CTIF: variants seen among roughly 807,000 people sequenced by gnomAD.
CTIF encodes cap binding complex dependent translation initiation factor, also known as CBP80/20-dependent translation initiation factor.
CTIF carries 21 observed loss-of-function variants against 66.0 expected under a neutral mutation model. The observed-to-expected ratio is 0.32, with a 90% confidence interval of 0.23 to 0.46. The LOEUF is 0.46. Ranked by LOEUF, CTIF falls within the 20% of genes least tolerant of loss-of-function variation. CTIF has a pLI of 1.00. For missense variants in CTIF, 739 were observed against 812.7 expected, an observed-to-expected ratio of 0.91 and a Z score of 1.10; for synonymous variants, 345 against 326.4, an observed-to-expected ratio of 1.06 and a Z score of -0.62.
intron 7 of CTIF, among the ~76,000 whole-genome samples, chr18:48,740,815 A>G (rs1420205326): frequency 6.6e-6 from 1 of 152,196 alleles, no homozygotes; most frequent in East Asian, 1.9e-4. Flanking sequence ...CCATTAAAAA[A>G]ATTCCTCATG....
rs762674451 is a variant in CTIF at position 48,554,586 on chromosome 18, C to A, written c.-29+15274C>A. On this transcript the variant is annotated intron_variant, in intron 1 of 11. Coordinates refer to ENST00000256413, the MANE Select transcript of CTIF (RefSeq NM_014772.3). Reference sequence around the variant, plus strand: ...CACGATGGAGGAGCATTATCGTACTCTGGTGGGCTGGGAACATGGCCCCTT... The same window carrying A: ...CACGATGGAGGAGCATTATCGTACTATGGTGGGCTGGGAACATGGCCCCTT... Among the ~76,000 whole-genome samples the A allele has an allele frequency of 2.0e-5, 3 of 152,282 alleles. No homozygotes were observed. The South Asian group carries it at 6.2e-4, about 32-fold the overall frequency.
chr18:48,556,339 C>T (rs1021059218), intron 1 of CTIF, among the ~76,000 whole-genome samples: 1 of 152,174 alleles, frequency 6.6e-6, no homozygotes, highest in South Asian at 2.1e-4. Flanking sequence ...AAGCTCACTA[C>T]AGAATCTTAA....
chr18:48,714,827 C>A (rs1389942875), intron 7 of CTIF, among the ~76,000 whole-genome samples: 9 of 152,182 alleles, frequency 5.9e-5, no homozygotes, highest in African/African-American at 1.9e-4. Flanking sequence ...TTTTGAAAGC[C>A]CTGTCCCTTC....
At chr18:48,676,953 C>T (rs1226303126) in intron 6 of CTIF, among the ~76,000 whole-genome samples, 3 of 152,056 alleles carry the variant, frequency 2.0e-5, no homozygotes, top group Non-Finnish European at 2.9e-5. Context: ...GGCCTGGCAG[C>T]CCCAGCAGGT....
chr18:48,670,494 C>CA lies in CTIF; in HGVS notation c.432-175_432-174insA, dbSNP rs537967262. On this transcript the variant is annotated intron_variant, in intron 5 of 11. Transcript: ENST00000256413. ...GTTGCATTACGGGAGGACCCCCCCC[C>CA]CACACACACACAGCTTCTCTAGGGC... 3.3e-3 allele frequency: 1,782 copies of CA among 546,614 alleles called. 15 individuals carry two copies. The highest frequency in any genetic ancestry group is 4.7e-3 in the Non-Finnish European group (1,410 of 301,144). The allele number at this position is 546,614 out of a possible 1,614,324, so 33.9% of individuals were successfully genotyped here. A position where few individuals can be genotyped will look rare whatever the true frequency, so the allele number is the denominator to read the frequency against.
At chr18:48,839,139 G>A (rs779858111) in intron 10 of CTIF, among the ~76,000 whole-genome samples, 13 of 152,044 alleles carry the variant, frequency 8.6e-5, no homozygotes, top group East Asian at 3.9e-4. Context: ...TCCACGGCTC[G>A]GCTAGGCCAC....
intron 1 of CTIF, chr18:48,566,910 C>T (rs541558715): frequency 2.1e-4 from 32 of 152,170 alleles, no homozygotes; most frequent in Non-Finnish European, 4.6e-4. Flanking sequence ...ACAGGCAGGG[C>T]CCTTCATCTC....
At chr18:48,719,405 C>G (rs2092311867) in intron 7 of CTIF, among the ~76,000 whole-genome samples, 1 of 152,184 alleles carries the variant, frequency 6.6e-6, no homozygotes, top group African/African-American at 2.4e-5. Context: ...AGATCTTGCC[C>G]ACCGGGAACT....
chr18:48,760,185 CTTT>C (rs949378479), intron 8 of CTIF: 2 of 132,914 alleles, frequency 1.5e-5, no homozygotes. Context: ...TCAGCCCTTT[CTTT>C]TTTTTTTTTT....
At chr18:48,596,618 C>G (rs1214992530) in intron 1 of CTIF, among the ~76,000 whole-genome samples, 1 of 152,028 alleles carries the variant, frequency 6.6e-6, no homozygotes, top group Non-Finnish European at 1.5e-5. Context: ...GCTGGGACAA[C>G]AGGTGTGTGC....
chr18:48,664,878 G>A (rs568902838), intron 5 of CTIF, among the ~76,000 whole-genome samples: 5 of 151,474 alleles, frequency 3.3e-5, no homozygotes, highest in Admixed American at 1.3e-4. Flanking sequence ...CTGTGATTCC[G>A]TAGGTGTGGA....
chr18:48,673,137 G>A (rs562696279), intron 6 of CTIF, among the ~76,000 whole-genome samples: 1 of 152,070 alleles, frequency 6.6e-6, no homozygotes, highest in Non-Finnish European at 1.5e-5. Flanking sequence ...CCACCACGTC[G>A]CACCTGCTTA....
At chr18:48,745,935 A>G (rs577794127) in intron 7 of CTIF, among the ~76,000 whole-genome samples, 27 of 152,312 alleles carry the variant, frequency 1.8e-4, no homozygotes, top group Admixed American at 3.9e-4. Context: ...ACTCCAGCTA[A>G]CTCCGTTTCA....
At chr18:48,723,005 T>A (rs770384136) in intron 7 of CTIF, among the ~76,000 whole-genome samples, 1 of 152,220 alleles carries the variant, frequency 6.6e-6, no homozygotes, top group Non-Finnish European at 1.5e-5. Flanking sequence ...GCTCATATAG[T>A]CTTCCCAATG....
At chr18:48,568,218 A>G (rs916687644) in intron 1 of CTIF, 1 of 152,184 alleles carries the variant, frequency 6.6e-6, no homozygotes, top group Non-Finnish European at 1.5e-5. Context: ...CCTATGAGAT[A>G]GCAAAAAGTA....
intron 2 of CTIF, chr18:48,621,763 C>A: frequency 4.1e-6 from 1 of 243,646 alleles, no homozygotes; most frequent in Non-Finnish European, 8.2e-6. Flanking sequence ...GGCCTGGAGA[C>A]TAGGAGAATA....
intron 11 of CTIF, among the ~76,000 whole-genome samples, chr18:48,858,080 C>T (rs896522260): frequency 1.3e-5 from 2 of 152,252 alleles, no homozygotes; most frequent in South Asian, 4.1e-4. Context: ...AAGCTGTGGC[C>T]CCTGCTAATG....
intron 9 of CTIF, among the ~76,000 whole-genome samples, chr18:48,774,582 T>C (rs1910490507): frequency 6.6e-6 from 1 of 152,068 alleles, no homozygotes; most frequent in African/African-American, 2.4e-5. Context: ...CAGGCCACTT[T>C]GAAGTATGAG....
chr18:48,592,749 T>C (rs1209967816), intron 1 of CTIF, among the ~76,000 whole-genome samples: 1 of 152,192 alleles, frequency 6.6e-6, no homozygotes, highest in Admixed American at 6.5e-5. Flanking sequence ...GTGCTGAGGA[T>C]AGCGATTAGC....
Sources: allele counts gnomAD v4.1 joint callset (sites outside exome capture counted in the v4.1 genomes callset), GRCh38; gene constraint gnomAD v4.1.1; transcripts MANE v1.5; gene names NCBI Gene and HGNC (gene_info 2026-07-23, HGNC 2026-07-21).